Variants in RPS6KA1 observed in about 807,000 individuals in gnomAD.
RPS6KA1 encodes the protein ribosomal protein S6 kinase alpha-1.
RPS6KA1 carries 48 observed loss-of-function variants against 91.3 expected under a neutral mutation model. That is an observed-to-expected ratio of 0.53 (90% CI 0.42 to 0.67). RPS6KA1 has a LOEUF of 0.67. Ranked by LOEUF, RPS6KA1 falls within the 30% of genes least tolerant of loss-of-function variation. The pLI, the probability that RPS6KA1 is intolerant of heterozygous loss-of-function variation, is 0.00. For missense variants in RPS6KA1, 719 were observed against 960.5 expected (o/e 0.75, Z 3.32); for synonymous variants, 359 against 384.7 (o/e 0.93, Z 0.78).
At chr1:26,570,498 C>T (rs1345431250) in intron 17 of RPS6KA1, among the ~76,000 whole-genome samples, 1 of 151,776 alleles carries the variant, frequency 6.6e-6, no homozygotes, top group East Asian at 1.9e-4. Flanking sequence ...CAAAACAAAA[C>T]AAAAAAGCCT....
intron 17 of RPS6KA1, among the ~76,000 whole-genome samples, chr1:26,570,099 G>A (rs2076237041): frequency 1.3e-5 from 2 of 152,146 alleles, no homozygotes; most frequent in Non-Finnish European, 2.9e-5. Context: ...GTAGGCAGTT[G>A]GATTTATGAG....
intron 6 of RPS6KA1, among the ~76,000 whole-genome samples, chr1:26,553,056 T>C (rs935382683): frequency 6.6e-6 from 1 of 152,160 alleles, no homozygotes; most frequent in Non-Finnish European, 1.5e-5. Flanking sequence ...ATCTTGGAGC[T>C]CACTCCATGT....
At chr1:26,557,904 C>T (rs766433672) in intron 13 of RPS6KA1, among the ~76,000 whole-genome samples, 16 of 151,226 alleles carry the variant, frequency 1.1e-4, no homozygotes, top group Non-Finnish European at 2.2e-4. Flanking sequence ...TCTCAGCTTA[C>T]TGCAACCTCC....
Position 26,556,713 on chromosome 1 carries a change from T to C in RPS6KA1, c.976T>C (p.Trp326Arg). 6.2e-7 allele frequency: 1 copy of C among 1,614,188 alleles called. No homozygotes were observed. Among genetic ancestry groups the C allele is most frequent in the South Asian group, 1.1e-5 (1 of 91,080 alleles). ...KRHVFYSTID[W>R]NKLYRREIKP... ...GCATGTCTTCTACTCCACCATTGAC[T>C]GGAATGTGAGTGTGTCCACCCACAC... Residue 326 changes from tryptophan (W) to arginine (R), a missense_variant, in exon 12 of 22, where the codon TGG (tryptophan) becomes CGG (arginine). By Grantham distance (101) the Trp-to-Arg change is moderately radical (BLOSUM62 -3). Coordinates refer to ENST00000374168, the MANE Select transcript of RPS6KA1 (RefSeq NM_002953.4).
At chr1:26,542,038 G>A (rs1040560770) in intron 2 of RPS6KA1, among the ~76,000 whole-genome samples, 2 of 152,226 alleles carry the variant, frequency 1.3e-5, no homozygotes, top group Non-Finnish European at 2.9e-5. Flanking sequence ...GGCCCACACA[G>A]CCTTCAGCAA....
Position 26,551,356 on chromosome 1 carries a change from A to C in RPS6KA1, c.308-41A>C. ...CGGGGGCTTGGGAGTGGCTGTGTTG[A>C]GTGTCTAGGCTACTGGTGACTTCCT... On this transcript the variant is annotated intron_variant, in intron 4 of 21. Transcript: ENST00000374168. This position sits in a 1 kb window ranked among gnomAD's most constrained non-coding sequence, Gnocchi z 4.5. 6.3e-7 allele frequency: 1 copy of C among 1,575,002 alleles called. No individual in the cohort carries two copies. Among genetic ancestry groups the C allele is most frequent in the Non-Finnish European group, 8.7e-7 (1 of 1,145,222 alleles).
intron 14 of RPS6KA1, among the ~76,000 whole-genome samples, chr1:26,559,533 ATT>A (rs1427275066): frequency 2.0e-4 from 28 of 137,308 alleles, no homozygotes; most frequent in Admixed American, 2.2e-4. Context: ...CACCCAGCTA[ATT>A]TTTTTTTTTT....
chr1:26,536,792 C>A, intron 1 of RPS6KA1, 133 bp from the exon 2 acceptor site: 1 of 960,694 alleles, frequency 1.0e-6, no homozygotes, highest in Non-Finnish European at 1.7e-6. Context: ...AGGGACCCAC[C>A]CAGGACTCCT....
intron 14 of RPS6KA1, among the ~76,000 whole-genome samples, chr1:26,559,533 AT>A (rs1427275066): frequency 0.034 from 4,601 of 137,300 alleles, 158 homozygotes; most frequent in African/African-American, 0.11. Flanking sequence ...CACCCAGCTA[AT>A]TTTTTTTTTT....
rs376790676 is a variant in RPS6KA1 at position 26,571,971 on chromosome 1, C to A, written c.1829+46C>A. On this transcript the variant is annotated intron_variant, in intron 19 of 21. Coordinates refer to ENST00000374168, the MANE Select transcript of RPS6KA1 (RefSeq NM_002953.4). The surrounding 1 kb of genome is among the most constrained non-coding windows in gnomAD (Gnocchi z 5.1). The stretch of plus-strand genomic sequence containing the variant: ...CCCTTCCCCACTCCTGCAGCCCTAG[C>A]ACTTGGGCTGAGTGGTGCTTGTCTG... 1.3e-6 allele frequency: 2 copies of A among 1,553,748 alleles called. No individual in the cohort carries two copies. Among genetic ancestry groups the A allele is most frequent in the African/African-American group, 1.4e-5 (1 of 73,764 alleles).
At chr1:26,542,629 G>A (rs1299082737) in intron 2 of RPS6KA1, among the ~76,000 whole-genome samples, 3 of 152,216 alleles carry the variant, frequency 2.0e-5, no homozygotes, top group Admixed American at 6.5e-5. Context: ...CTGGGGCTTG[G>A]GACTGGCAGC....
chr1:26,574,228 C>A lies in RPS6KA1; in HGVS notation c.*27C>A. The A allele has an allele frequency of 6.2e-7, 1 of 1,613,508 alleles. No homozygotes were observed. Among genetic ancestry groups the A allele is most frequent in the Non-Finnish European group, 8.5e-7 (1 of 1,179,644 alleles). On this transcript the variant is annotated 3_prime_UTR_variant, in exon 22 of 22. Transcript: ENST00000374168. This position sits in a 1 kb window ranked among gnomAD's most constrained non-coding sequence, Gnocchi z 4.3. ...GCACCAGGGCATTCGGGCCACAGGG[C>A]GGTGCTAGCTTGACACAGTCAGCAT...
At chr1:26,573,588 C>A (rs1397787798) in intron 21 of RPS6KA1, among the ~76,000 whole-genome samples, 1 of 152,212 alleles carries the variant, frequency 6.6e-6, no homozygotes, top group Admixed American at 6.5e-5. Context: ...CCTCTGAACC[C>A]TCCAGTCTGA....
At chr1:26,563,643 T>C (rs568643820) in intron 17 of RPS6KA1, among the ~76,000 whole-genome samples, 2 of 152,342 alleles carry the variant, frequency 1.3e-5, no homozygotes, top group African/African-American at 4.8e-5. Context: ...TAGACCTCCC[T>C]TTTTTATGCC....
In RPS6KA1 at chr1:26,554,254, G is replaced by A. The variant is rs1255455167; in HGVS notation, c.613+3G>A. The A allele has an allele frequency of 6.4e-7, 1 of 1,557,518 alleles. No homozygotes were observed. Among genetic ancestry groups the A allele is most frequent in the Non-Finnish European group, 8.7e-7 (1 of 1,150,182 alleles). ...GGAGGGCCACATCAAACTCACTGGT[G>A]AGTGGAGGGCGCCTGCCCCCTCGGG... On this transcript the variant is annotated splice_donor_region_variant and intron_variant, in intron 8 of 21. Coordinates refer to ENST00000374168, the MANE Select transcript of RPS6KA1 (RefSeq NM_002953.4). This position sits in a 1 kb window ranked among gnomAD's most constrained non-coding sequence, Gnocchi z 4.6.
chr1:26,536,781 G>A (rs2075910100), intron 1 of RPS6KA1, 144 bp from the exon 2 acceptor site: 1 of 815,902 alleles, frequency 1.2e-6, no homozygotes, highest in Admixed American at 2.0e-5. Flanking sequence ...AGTGGAGGTG[G>A]AGGGACCCAC....
At chr1:26,534,880 C>A (rs919894015) in intron 1 of RPS6KA1, among the ~76,000 whole-genome samples, 3 of 152,148 alleles carry the variant, frequency 2.0e-5, no homozygotes, top group African/African-American at 7.2e-5. Context: ...GGAGCTGGGA[C>A]TTGATTCTAC....
intron 15 of RPS6KA1, 39 bp downstream of exon 15, chr1:26,560,890 T>C (rs2076148171): frequency 3.1e-6 from 5 of 1,613,512 alleles, no homozygotes; most frequent in Non-Finnish European, 4.2e-6. Flanking sequence ...GGCTGCTGGG[T>C]TGGGGGCAGG....
chr1:26,552,903 A>AT (rs1257265571), intron 6 of RPS6KA1: 10 of 365,662 alleles, frequency 2.7e-5, no homozygotes, highest in Non-Finnish European at 4.8e-5. Flanking sequence ...ATAGGTAAAC[A>AT]TTTTTATTGG....
Sources: gnomAD v4.1 joint callset for allele counts (sites outside exome capture counted in the v4.1 genomes callset) on GRCh38, gnomAD v4.1.1 for gene constraint, Gnocchi (gnomAD v3.1) non-coding constraint, MANE v1.5 for transcripts, NCBI Gene and HGNC (gene_info 2026-07-23, HGNC 2026-07-21) for gene names.